The following RBFOX2 variants were observed in gnomAD, a reference collection of about 807,000 sequenced individuals.
RBFOX2 encodes RNA binding fox-1 homolog 2, also known as RNA binding protein fox-1 homolog 2.
Under a neutral mutation model 49.1 loss-of-function variants are expected in RBFOX2, and 10 were observed. That is an observed-to-expected ratio of 0.20 (90% CI 0.13 to 0.35). RBFOX2 has a LOEUF of 0.35. Among genes scored for constraint, RBFOX2 ranks in the 10% least tolerant of loss-of-function variants. The pLI is 1.00. For missense variants in RBFOX2, 323 were observed against 486.9 expected (o/e 0.66, Z 3.17); for synonymous variants, 183 against 187.4 (o/e 0.98, Z 0.19).
At chr22:35,742,764 G>T (rs578176250) in exon 12 of RBFOX2, 9 of 152,348 alleles carry the variant, frequency 5.9e-5, no homozygotes, top group Non-Finnish European at 1.0e-4. Context: ...GACTCACTGC[G>T]CGACTCTTTC....
chr22:35,946,221 G>A (rs1389299083), intron 1 of RBFOX2, among the ~76,000 whole-genome samples: 1 of 152,080 alleles, frequency 6.6e-6, no homozygotes, highest in Non-Finnish European at 1.5e-5. Flanking sequence ...AAACTAGGTA[G>A]GTATGAAAGA....
At chr22:35,931,316 T>TAAAA (rs75649440) in intron 1 of RBFOX2, among the ~76,000 whole-genome samples, 3,250 of 135,230 alleles carry the variant, frequency 0.024, 55 homozygotes, top group Middle Eastern at 0.079. Flanking sequence ...CATGTTTAGT[T>TAAAA]AAAAAAAAAA....
rs1935322108 is a variant in RBFOX2, at chr22:35,752,498, T to C, written c.888-5937A>G. Reference sequence around the variant, plus strand: ...ATCACACGCTCACAAGTCTTGATTGTCCAAAAAAGCCTCTGTTCCCATCTC... The same window carrying C: ...ATCACACGCTCACAAGTCTTGATTGCCCAAAAAAGCCTCTGTTCCCATCTC... On this transcript the variant is annotated intron_variant, in intron 9 of 11. Coordinates refer to ENST00000405409, the Ensembl canonical transcript of RBFOX2. 3 of 510,098 alleles carry C rather than the reference T, an allele frequency of 5.9e-6. No individual in the cohort carries two copies. The African/African-American group carries it at 6.3e-5, about 11-fold the overall frequency. The allele number at this position is 510,098 out of a possible 1,614,324, so 31.6% of individuals were successfully genotyped here. A position where few individuals can be genotyped will look rare whatever the true frequency, so the allele number is the denominator to read the frequency against.
In RBFOX2 at chr22:35,893,040, G is replaced by A. The variant is rs150593893; in HGVS notation, c.-34+45807C>T. Among the ~76,000 whole-genome samples the A allele has an allele frequency of 2.4e-4, 37 of 152,356 alleles. No homozygotes were observed. In the East Asian group the frequency reaches 7.1e-3, roughly 29 times the overall value. On this transcript the variant is annotated intron_variant, in intron 1 of 13. Coordinates refer to the RBFOX2 transcript ENST00000359369. ...TCAATGAAGTAAACAAAGGCATTGG[G>A]CTAGATGACACAAATAATAAAAGAG...
intron 2 of RBFOX2, among the ~76,000 whole-genome samples, chr22:35,805,979 G>C (rs1482451560): frequency 2.0e-5 from 3 of 152,196 alleles, no homozygotes; most frequent in Non-Finnish European, 4.4e-5. Flanking sequence ...TTGGGTTGTG[G>C]GGAGGAGAGA....
intron 1 of RBFOX2, among the ~76,000 whole-genome samples, chr22:35,952,928 T>C (rs923412411): frequency 6.6e-6 from 1 of 152,000 alleles, no homozygotes; most frequent in Non-Finnish European, 1.5e-5. Flanking sequence ...AGCCAAAGGA[T>C]GGGCTGGGTG....
intron 1 of RBFOX2, among the ~76,000 whole-genome samples, chr22:35,831,235 A>T (rs1245418368): frequency 6.6e-6 from 1 of 152,170 alleles, no homozygotes; most frequent in Non-Finnish European, 1.5e-5. Flanking sequence ...CAAGGTCAGG[A>T]GATCGAGACC....
At chr22:36,024,622 T>C (rs2059362595) in intron 1 of RBFOX2, among the ~76,000 whole-genome samples, 1 of 151,458 alleles carries the variant, frequency 6.6e-6, no homozygotes, top group African/African-American at 2.4e-5. Flanking sequence ...ATGCCTGTAA[T>C]CCCAGCTACT....
Position 36,016,279 on chromosome 22 carries a change from G to A in RBFOX2, c.186+11961C>T, listed in dbSNP as rs1199281898. Among the ~76,000 whole-genome samples the A allele has an allele frequency of 3.3e-5, 5 of 152,068 alleles. No individual in the cohort carries two copies. The South Asian group carries it at 6.2e-4, about 19-fold the overall frequency. ...AAGTATTCCAACTCAAGCAACTGCT[G>A]CAGGCCACATTCAGACACCCCCAGT... On this transcript the variant is annotated intron_variant, in intron 1 of 13. Coordinates refer to the RBFOX2 transcript ENST00000438146.
intron 1 of RBFOX2, among the ~76,000 whole-genome samples, chr22:35,839,886 C>T (rs956245765): frequency 7.2e-5 from 11 of 152,330 alleles, no homozygotes; most frequent in Non-Finnish European, 1.6e-4. Flanking sequence ...TCTCTCCCTC[C>T]CTCTTCTCAG....
At chr22:35,858,826 C>CAAA (rs771614258) in intron 1 of RBFOX2, among the ~76,000 whole-genome samples, 3 of 53,690 alleles carry the variant, frequency 5.6e-5, no homozygotes, top group South Asian at 6.6e-4. Flanking sequence ...GACTCTGTCT[C>CAAA]AAAAAAAAAA....
intron 1 of RBFOX2, among the ~76,000 whole-genome samples, chr22:35,856,274 C>T (rs1274887852): frequency 2.6e-5 from 4 of 152,080 alleles, no homozygotes; most frequent in African/African-American, 4.8e-5. Flanking sequence ...ATCTGTACAC[C>T]GACATACAAC....
At chr22:35,756,950 C>T (rs1294272282) in intron 9 of RBFOX2, among the ~76,000 whole-genome samples, 1 of 151,746 alleles carries the variant, frequency 6.6e-6, no homozygotes, top group African/African-American at 2.4e-5. Context: ...GTCCAAGGTC[C>T]AAGAATTGAA....
intron 1 of RBFOX2, among the ~76,000 whole-genome samples, chr22:35,928,228 A>G (rs974014844): frequency 9.9e-5 from 15 of 152,038 alleles, no homozygotes; most frequent in African/African-American, 3.6e-4. Context: ...GTGTGTGCAT[A>G]TGTGTGTGTG....
At chr22:35,910,546 G>T (rs5755990) in intron 1 of RBFOX2, among the ~76,000 whole-genome samples, 34,474 of 152,034 alleles carry the variant, frequency 0.23, 6,172 homozygotes, top group African/African-American at 0.5. Context: ...GGTTTTTGTT[G>T]CCCAGAAGGA....
chr22:35,904,906 A>T (rs2048963928), intron 1 of RBFOX2, among the ~76,000 whole-genome samples: 1 of 152,236 alleles, frequency 6.6e-6, no homozygotes, highest in African/African-American at 2.4e-5. Context: ...CTCAAGAGCC[A>T]CGTGAGGATA....
intron 1 of RBFOX2, among the ~76,000 whole-genome samples, chr22:35,825,907 G>A (rs753733721): frequency 6.0e-5 from 9 of 150,868 alleles, no homozygotes; most frequent in East Asian, 3.9e-4. Flanking sequence ...ACTTGAACCC[G>A]GGAGGTGGAG....
chr22:36,012,924 C>T, intron 1 of RBFOX2, among the ~76,000 whole-genome samples: 1 of 151,990 alleles, frequency 6.6e-6, no homozygotes, highest in East Asian at 1.9e-4. Context: ...GCCACTACGC[C>T]CAGCAAATTT....
chr22:35,930,951 T>C (rs2052326730), intron 1 of RBFOX2, among the ~76,000 whole-genome samples: 1 of 152,252 alleles, frequency 6.6e-6, no homozygotes, highest in Non-Finnish European at 1.5e-5. Flanking sequence ...TTACTTAGCA[T>C]GGCAGTGAGC....
Sources: allele counts gnomAD v4.1 joint callset (sites outside exome capture counted in the v4.1 genomes callset), GRCh38; gene constraint gnomAD v4.1.1; transcripts MANE v1.5; gene names NCBI Gene and HGNC (gene_info 2026-07-23, HGNC 2026-07-21).